CPQ: variants seen among roughly 807,000 people sequenced by gnomAD.
CPQ encodes Ser-Met dipeptidase.
In CPQ, 37 loss-of-function variants were observed where a neutral mutation model predicts 45.7. That is an observed-to-expected ratio of 0.81 (90% CI 0.62 to 1.07). The LOEUF is 1.07. Ranked by LOEUF, CPQ falls within the 50% of genes least tolerant of loss-of-function variation. The pLI is 0.00. For synonymous variants in CPQ, 186 were observed against 205.8 expected (o/e 0.90, Z 0.82); for missense variants, 537 against 572.9 (o/e 0.94, Z 0.64).
At chr8:96,965,453 T>C (rs1023212322) in intron 4 of CPQ, among the ~76,000 whole-genome samples, 1 of 144,888 alleles carries the variant, frequency 6.9e-6, no homozygotes, top group East Asian at 2.0e-4. Flanking sequence ...CACTGCAAGC[T>C]CCACCTCCCG....
chr8:96,680,548 G>GT (rs1809135762), intron 1 of CPQ: 1 of 152,190 alleles, frequency 6.6e-6, no homozygotes, highest in Non-Finnish European at 1.5e-5. Flanking sequence ...CTGTGTAACT[G>GT]TAAGTCCATT....
chr8:96,896,650 A>G (rs539365793), intron 4 of CPQ, among the ~76,000 whole-genome samples: 1 of 152,302 alleles, frequency 6.6e-6, no homozygotes, highest in Admixed American at 6.5e-5. Flanking sequence ...AGCCTCTCTT[A>G]ATTACACACC....
intron 5 of CPQ, among the ~76,000 whole-genome samples, chr8:96,970,549 C>T (rs1035770926): frequency 2.6e-5 from 4 of 151,676 alleles, no homozygotes; most frequent in Non-Finnish European, 4.4e-5. Context: ...GGCAGCCTGA[C>T]GCCATGCCCA....
rs116503923 is a variant in CPQ, at chr8:96,855,638, T to G, written c.641+20458T>G. ...ACGAAAATGTATCAGGCCTACCCTG[T>G]GAAAGGCACTGGGAATCCAATAGTG... On this transcript the variant is annotated intron_variant, in intron 3 of 7. Transcript: ENST00000220763. Among the ~76,000 whole-genome samples, 707 of 152,242 alleles carry G rather than the reference T, an allele frequency of 4.6e-3. 7 individuals carry two copies. Among genetic ancestry groups the G allele is most frequent in the African/African-American group, 0.016 (675 of 41,534 alleles).
In CPQ at chr8:97,042,312, C is replaced by G. The variant is rs1810142689; in HGVS notation, c.1053+12818C>G. ...TATTCTCTGATGGTAGTTTGTATTT[C>G]TGTGGGATCGGTGGTGATATCCCCT... On this transcript the variant is annotated intron_variant, in intron 6 of 7. Transcript: ENST00000220763. Among the ~76,000 whole-genome samples, 8 of 152,060 alleles carry G rather than the reference C, an allele frequency of 5.3e-5. No homozygotes were observed. The South Asian group carries it at 1.7e-3, about 32-fold the overall frequency.
chr8:96,662,910 C>A (rs1238482251), intron 1 of CPQ, among the ~76,000 whole-genome samples: 1 of 152,136 alleles, frequency 6.6e-6, no homozygotes, highest in Non-Finnish European at 1.5e-5. Flanking sequence ...ATTACCTGAG[C>A]CCTGTAAGGG....
chr8:97,134,609 G>C (rs77555602), intron 7 of CPQ, among the ~76,000 whole-genome samples: 256 of 152,330 alleles, frequency 1.7e-3, no homozygotes, highest in African/African-American at 5.9e-3. Context: ...TAGAATAGGG[G>C]TGGGAGATCA....
chr8:96,653,666 G>T (rs1456766287), intron 1 of CPQ, among the ~76,000 whole-genome samples: 2 of 152,166 alleles, frequency 1.3e-5, no homozygotes, highest in Non-Finnish European at 2.9e-5. Flanking sequence ...GTAGAGAAAA[G>T]AAAATTTTAT....
intron 4 of CPQ, among the ~76,000 whole-genome samples, chr8:96,898,759 TA>T (rs1812476095): frequency 8.3e-6 from 1 of 120,990 alleles, no homozygotes; most frequent in African/African-American, 3.1e-5. Flanking sequence ...ACATGTACCC[TA>T]AAACTTAGGG....
intron 3 of CPQ, among the ~76,000 whole-genome samples, chr8:96,869,189 G>A (rs999652396): frequency 2.0e-5 from 3 of 151,300 alleles, no homozygotes; most frequent in African/African-American, 7.3e-5. Context: ...ATCATATTTT[G>A]GCTGTTTTCA....
intron 1 of CPQ, among the ~76,000 whole-genome samples, chr8:96,671,888 C>CTA (rs1809008594): frequency 6.6e-6 from 1 of 151,982 alleles, no homozygotes; most frequent in Non-Finnish European, 1.5e-5. Context: ...AAACTTGGGG[C>CTA]AACTAAAAAG....
intron 1 of CPQ, among the ~76,000 whole-genome samples, chr8:96,671,611 G>A (rs1390768504): frequency 6.6e-6 from 1 of 152,120 alleles, no homozygotes; most frequent in Non-Finnish European, 1.5e-5. Flanking sequence ...GAGGTTTATT[G>A]TAATACATTA....
At chr8:97,040,142 C>G (rs1388898340) in intron 6 of CPQ, among the ~76,000 whole-genome samples, 3 of 149,210 alleles carry the variant, frequency 2.0e-5, no homozygotes, top group African/African-American at 7.3e-5. Context: ...TCTCCAGCAC[C>G]TGTTGTTTCC....
chr8:97,098,828 C>T (rs1442724099), intron 7 of CPQ, among the ~76,000 whole-genome samples: 3 of 152,164 alleles, frequency 2.0e-5, no homozygotes, highest in African/African-American at 2.4e-5. Context: ...ATTGATATCC[C>T]ATGATTCCCA....
In CPQ at chr8:96,777,746, ATATATATATATATATTTTTTTTTTTTTTT is replaced by A. The variant is rs1376716122; in HGVS notation, c.-34-7116_-34-7088del. 4.4e-4 allele frequency among the ~76,000 whole-genome samples: 6 copies of A among 13,696 alleles called. No individual in the cohort carries two copies. In the Admixed American group the frequency reaches 6.2e-3, roughly 14 times the overall value. The allele number at this position is 13,696 out of a possible 152,430, so 9.0% of individuals were successfully genotyped here. A position where few individuals can be genotyped will look rare whatever the true frequency, so the allele number is the denominator to read the frequency against. ...AAAATATATATATATATATATATAT[ATATATATATATATATTTTTTTTTTTTTTT>A]TTTTTTTTTTTTTTTTTTTCTGGAC... On this transcript the variant is annotated intron_variant, in intron 1 of 7. Transcript: ENST00000220763.
At chr8:97,138,130 G>T (rs373250336) in intron 7 of CPQ, among the ~76,000 whole-genome samples, 2 of 152,046 alleles carry the variant, frequency 1.3e-5, no homozygotes, top group East Asian at 1.9e-4. Context: ...AACCACCATG[G>T]CTCCACATTT....
chr8:96,718,216 G>A (rs1809709982), intron 1 of CPQ, among the ~76,000 whole-genome samples: 1 of 152,244 alleles, frequency 6.6e-6, no homozygotes, highest in East Asian at 1.9e-4. Flanking sequence ...TTAACTGGGG[G>A]CTTCTCCCAA....
intron 7 of CPQ, among the ~76,000 whole-genome samples, chr8:97,140,366 A>AT (rs1369422549): frequency 3.7e-5 from 5 of 136,326 alleles, no homozygotes; most frequent in East Asian, 3.2e-4. Flanking sequence ...CCCAGAATGT[A>AT]TAAAAAAAAG....
At chr8:96,721,721 T>G (rs1809766561) in intron 1 of CPQ, among the ~76,000 whole-genome samples, 1 of 152,158 alleles carries the variant, frequency 6.6e-6, no homozygotes, top group Non-Finnish European at 1.5e-5. Context: ...AGTTCAGTCC[T>G]TTAAAGTAGC....
Sources: allele counts gnomAD v4.1 joint callset (sites outside exome capture counted in the v4.1 genomes callset), GRCh38; gene constraint gnomAD v4.1.1; transcripts MANE v1.5; gene names NCBI Gene and HGNC (gene_info 2026-07-23, HGNC 2026-07-21).